Variants in CCDC180 observed in about 807,000 individuals in gnomAD.
CCDC180 encodes coiled-coil domain-containing protein 180.
CCDC180 carries 154 observed loss-of-function variants against 209.2 expected under a neutral mutation model. The observed-to-expected ratio is 0.74, with a 90% CI of 0.65 to 0.84. The LOEUF (loss-of-function observed/expected upper bound fraction) is 0.84. Ranked by LOEUF, CCDC180 falls within the 40% of genes least tolerant of loss-of-function variation. The pLI is 0.00. For missense variants in CCDC180, 1,874 were observed against 1,997.3 expected (o/e 0.94, Z 1.18); for synonymous variants, 778 against 749.1 (o/e 1.04, Z -0.63).
chr9:97,357,613 CTCTGGTTT>C lies in CCDC180; in HGVS notation c.3265-10_3265-3del. ...TATTCTAGAAACAAAATCTCGGAAC[CTCTGGTTT>C]TCTAGGTGGCAAAATCCAATTCGCA... On this transcript the variant is annotated splice_region_variant and splice_polypyrimidine_tract_variant and intron_variant, in intron 24 of 36. Coordinates refer to ENST00000529487, the MANE Select transcript of CCDC180 (RefSeq NM_020893.6). The C allele has an allele frequency of 6.3e-7, 1 of 1,585,848 alleles. No homozygotes were observed. The highest frequency in any genetic ancestry group is 2.2e-5 in the East Asian group (1 of 44,690).
At chr9:97,352,903 AATT>A (rs1826459892) in intron 22 of CCDC180, among the ~76,000 whole-genome samples, 1 of 151,302 alleles carries the variant, frequency 6.6e-6, no homozygotes, top group East Asian at 1.9e-4. Context: ...TTTCAATTTT[AATT>A]ATTATAGTTT....
chr9:97,311,247 C>G (rs2118523525), intron 3 of CCDC180, among the ~76,000 whole-genome samples: 1 of 152,314 alleles, frequency 6.6e-6, no homozygotes, highest in South Asian at 2.1e-4. Flanking sequence ...ATCATCTCAG[C>G]TCCTACAGGG....
chr9:97,324,137 C>T (rs1011966399), intron 13 of CCDC180, among the ~76,000 whole-genome samples: 3 of 152,210 alleles, frequency 2.0e-5, no homozygotes, highest in Admixed American at 6.5e-5. Context: ...ATGCCATGAG[C>T]ACTCCCTGGC....
At chr9:97,312,813 A>G (rs1173260705) in intron 4 of CCDC180, among the ~76,000 whole-genome samples, 1 of 152,090 alleles carries the variant, frequency 6.6e-6, no homozygotes, top group African/African-American at 2.4e-5. Context: ...CTGCTGGCCA[A>G]CTTGGTTCTA....
intron 31 of CCDC180, among the ~76,000 whole-genome samples, chr9:97,367,326 A>C (rs369673086): frequency 6.6e-6 from 1 of 152,098 alleles, no homozygotes; most frequent in Non-Finnish European, 1.5e-5. Context: ...GATGTGGTCT[A>C]CTATGCTGTT....
intron 19 of CCDC180, among the ~76,000 whole-genome samples, chr9:97,345,307 G>T (rs1289856093): frequency 6.6e-6 from 1 of 152,162 alleles, no homozygotes; most frequent in East Asian, 1.9e-4. Context: ...TTCAAAAGTG[G>T]TTTTTAACAG....
intron 31 of CCDC180, among the ~76,000 whole-genome samples, chr9:97,367,958 C>A (rs1306019118): frequency 6.6e-6 from 1 of 152,188 alleles, no homozygotes; most frequent in Non-Finnish European, 1.5e-5. Flanking sequence ...GTTTCTCTAG[C>A]TCAGAATTTC....
chr9:97,365,407 CAAGATCATT>C (rs1826889752), intron 29 of CCDC180: 1 of 428,270 alleles, frequency 2.3e-6, no homozygotes. Context: ...GGCATTAATC[CAAGATCATT>C]AAAGCCAGGT....
intron 2 of CCDC180, among the ~76,000 whole-genome samples, chr9:97,308,489 A>G (rs1285893472): frequency 6.6e-6 from 1 of 152,200 alleles, no homozygotes; most frequent in African/African-American, 2.4e-5. Flanking sequence ...CTTTTTCTTC[A>G]TAACAGTATC....
chr9:97,307,438 G>T (rs1832828249), upstream of CCDC180: 1 of 587,794 alleles, frequency 1.7e-6, no homozygotes, highest in South Asian at 1.6e-5. Flanking sequence ...ACCGGGCTCA[G>T]GGGGACGGCC....
At chr9:97,323,223 A>G (rs1388478749) in intron 12 of CCDC180, among the ~76,000 whole-genome samples, 2 of 152,096 alleles carry the variant, frequency 1.3e-5, no homozygotes, top group African/African-American at 4.8e-5. Context: ...CAGGAAGCCC[A>G]TGTAAGATGA....
In CCDC180 at chr9:97,343,435, C is replaced by G. The variant is rs767799855; in HGVS notation, c.2370C>G (p.Pro790=). 1 of 1,613,668 alleles carries G rather than the reference C, an allele frequency of 6.2e-7. No homozygotes were observed. Among genetic ancestry groups the G allele is most frequent in the Non-Finnish European group, 8.5e-7 (1 of 1,179,676 alleles). ...SSGNTYFVFV[P]LEEEHCRKSH... is the part of the protein sequence containing the mutation. Reference sequence around the variant, plus strand: ...GAAACACTTATTTTGTCTTTGTACCCCTGGAAGAAGAGCATTGTAGGAAGT... The same window carrying G: ...GAAACACTTATTTTGTCTTTGTACCGCTGGAAGAAGAGCATTGTAGGAAGT... The change falls in exon 19 of 37, where the codon CCC becomes CCG. Residue 790 remains proline (P), a synonymous_variant. Coordinates refer to ENST00000529487, the MANE Select transcript of CCDC180 (RefSeq NM_020893.6).
Position 97,309,450 on chromosome 9 carries a change from C to T in CCDC180, c.106C>T (p.Arg36Trp), listed in dbSNP as rs545746004. 7.1e-5 allele frequency: 113 copies of T among 1,601,858 alleles called. No individual in the cohort carries two copies. The highest frequency in any genetic ancestry group is 1.7e-4 in the Middle Eastern group (1 of 6,040). Residue 36 changes from arginine (R) to tryptophan (W), a missense_variant, in exon 3 of 37, where the codon CGG becomes TGG. Transcript: ENST00000529487. ...LVHSLAATRK[R>W]AAERSVTLKS... ...CCACTCCCTGGCGGCCACCAGGAAG[C>T]GGGCTGCAGAGCGTTCTGTGACCCT...
chr9:97,353,298 A>G (rs1204878690), intron 22 of CCDC180, among the ~76,000 whole-genome samples: 2 of 152,074 alleles, frequency 1.3e-5, no homozygotes, highest in Non-Finnish European at 2.9e-5. Context: ...CTCTCTGCCC[A>G]TTTATAATTA....
chr9:97,321,118 G>A lies in CCDC180; in HGVS notation c.1159+913G>A, dbSNP rs187614062. 8.1e-3 allele frequency among the ~76,000 whole-genome samples: 1,237 copies of A among 152,242 alleles called. 12 individuals carry two copies. The highest frequency in any genetic ancestry group is 0.028 in the African/African-American group (1,160 of 41,518). On this transcript the variant is annotated intron_variant, in intron 11 of 36. Coordinates refer to ENST00000529487, the MANE Select transcript of CCDC180 (RefSeq NM_020893.6). The stretch of plus-strand genomic sequence containing the variant: ...TACTCTGTTGCCAGATGATTTTGCC[G>A]AACTGTAGGCTAATGTATGTTTTCT...
intron 18 of CCDC180, among the ~76,000 whole-genome samples, chr9:97,335,700 G>T (rs1192612705): frequency 6.6e-6 from 1 of 152,136 alleles, no homozygotes; most frequent in Non-Finnish European, 1.5e-5. Context: ...CCCAGTAATG[G>T]GATCACTGGG....
At chr9:97,324,964 C>G in intron 13 of CCDC180, 55 bp from the exon 14 acceptor site, 1 of 1,551,656 alleles carries the variant, frequency 6.4e-7, no homozygotes, top group Non-Finnish European at 8.8e-7. Flanking sequence ...GGGCCCTCTT[C>G]TTGGCCCTGG....
At position 97,370,662 on chromosome 9, in the gene CCDC180, C is replaced by T. The variant is rs944122042; in HGVS notation, c.4372C>T (p.His1458Tyr). Reference sequence around the variant, plus strand: ...AAAGGACAAAAATGCCCAGAAGCTCCATCTAAATCTTGGACACCCCGTACA... The same window carrying T: ...AAAGGACAAAAATGCCCAGAAGCTCTATCTAAATCTTGGACACCCCGTACA... ...KRKDKNAQKL[H>Y]LNLGHPVHFQ... Residue 1458 changes from histidine to tyrosine, a missense_variant, in exon 33 of 37, where the codon CAT (histidine) becomes TAT (tyrosine). His to Tyr is a moderately conservative substitution (Grantham distance 83). Coordinates refer to ENST00000529487, the MANE Select transcript of CCDC180 (RefSeq NM_020893.6). 6.2e-7 allele frequency: 1 copy of T among 1,613,732 alleles called. No individual in the cohort carries two copies. Among genetic ancestry groups the T allele is most frequent in the African/African-American group, 1.3e-5 (1 of 74,896 alleles).
At chr9:97,340,856 G>A (rs1029527736) in intron 18 of CCDC180, among the ~76,000 whole-genome samples, 9 of 152,170 alleles carry the variant, frequency 5.9e-5, no homozygotes, top group African/African-American at 2.2e-4. Context: ...CTCTTGTGGA[G>A]GGCCTGACAT....
Sources: gnomAD v4.1 joint callset for allele counts (sites outside exome capture counted in the v4.1 genomes callset) on GRCh38, gnomAD v4.1.1 for gene constraint, MANE v1.5 for transcripts, NCBI Gene and HGNC (gene_info 2026-07-23, HGNC 2026-07-21) for gene names.